IFT80: variants seen among roughly 807,000 people sequenced by gnomAD.
IFT80 encodes the protein intraflagellar transport protein 80 homolog.
In IFT80, 79 loss-of-function variants were observed where a neutral mutation model predicts 107.9. The observed-to-expected ratio is 0.73, with a 90% CI of 0.61 to 0.88. IFT80 has a LOEUF of 0.88. IFT80 is among the 40% of genes least tolerant of loss of function. IFT80 has a pLI of 0.00. For synonymous variants in IFT80, 299 were observed against 300.9 expected, an observed-to-expected ratio of 0.99 and a Z score of 0.07; for missense variants, 797 against 914.2, an observed-to-expected ratio of 0.87 and a Z score of 1.65.
chr3:160,357,133 T>G (rs1162526154), intron 7 of IFT80, among the ~76,000 whole-genome samples: 1 of 152,188 alleles, frequency 6.6e-6, no homozygotes, highest in East Asian at 1.9e-4. Flanking sequence ...AGGGTCTCAC[T>G]TTGTTGCTCA....
intron 6 of IFT80, among the ~76,000 whole-genome samples, chr3:160,365,796 C>G (rs6786414): frequency 2.0e-5 from 3 of 152,000 alleles, no homozygotes; most frequent in African/African-American, 4.8e-5. Context: ...TAGCTAACTC[C>G]AAAGCCTGTG....
chr3:160,326,783 C>T (rs1206975145), intron 8 of IFT80, among the ~76,000 whole-genome samples: 1 of 151,968 alleles, frequency 6.6e-6, no homozygotes, highest in African/African-American at 2.4e-5. Context: ...CCTCTCTCAC[C>T]ACTCCTATTC....
At chr3:160,351,296 TATA>T (rs1720679793) in intron 8 of IFT80, among the ~76,000 whole-genome samples, 1 of 150,268 alleles carries the variant, frequency 6.7e-6, no homozygotes, top group East Asian at 1.9e-4. Context: ...TTAATAACAA[TATA>T]ATAATTAATT....
intron 8 of IFT80, among the ~76,000 whole-genome samples, chr3:160,335,412 G>A (rs1219194550): frequency 6.6e-6 from 1 of 151,832 alleles, no homozygotes; most frequent in Non-Finnish European, 1.5e-5. Flanking sequence ...AGTAGAGACG[G>A]GGTTTTGCCA....
At chr3:160,359,387 C>T (rs1457481363) in intron 6 of IFT80, among the ~76,000 whole-genome samples, 3 of 152,150 alleles carry the variant, frequency 2.0e-5, no homozygotes, top group African/African-American at 7.2e-5. Flanking sequence ...TCCAAGATGG[C>T]TGAATAGGAA....
At chr3:160,398,936 C>A (rs989896678) in intron 1 of IFT80, among the ~76,000 whole-genome samples, 1 of 152,130 alleles carries the variant, frequency 6.6e-6, no homozygotes, top group African/African-American at 2.4e-5. Flanking sequence ...TATCACGAAT[C>A]CAGGTCTTCC....
intron 9 of IFT80, among the ~76,000 whole-genome samples, chr3:160,319,039 G>T (rs1231120339): frequency 6.6e-6 from 1 of 151,602 alleles, no homozygotes; most frequent in Non-Finnish European, 1.5e-5. Context: ...TACTTTTTTT[G>T]CCCTATTGTG....
chr3:160,315,550 T>G (rs1717756483), intron 9 of IFT80, among the ~76,000 whole-genome samples: 1 of 152,200 alleles, frequency 6.6e-6, no homozygotes, highest in Non-Finnish European at 1.5e-5. Flanking sequence ...GCTTACCCTT[T>G]CCCTTTGACA....
intron 16 of IFT80, among the ~76,000 whole-genome samples, chr3:160,278,124 A>G (rs1019416114): frequency 9.9e-5 from 15 of 152,196 alleles, no homozygotes; most frequent in Admixed American, 9.8e-4. Flanking sequence ...TTTAATGAAA[A>G]GCAGCCCCCA....
At chr3:160,360,619 ACC>A (rs982309524) in intron 6 of IFT80, among the ~76,000 whole-genome samples, 3 of 152,214 alleles carry the variant, frequency 2.0e-5, no homozygotes, top group African/African-American at 7.2e-5. Flanking sequence ...AGATCGGGTT[ACC>A]CACAAAGGGA....
At chr3:160,341,016 C>CTTTTTTT (rs11373101) in intron 8 of IFT80, among the ~76,000 whole-genome samples, 3 of 149,504 alleles carry the variant, frequency 2.0e-5, no homozygotes, top group Non-Finnish European at 3.0e-5. Context: ...TTTTTACTAC[C>CTTTTTTT]TTTTTTTTTT....
chr3:160,348,265 T>C (rs1234820446), intron 8 of IFT80, among the ~76,000 whole-genome samples: 1 of 152,238 alleles, frequency 6.6e-6, no homozygotes, highest in African/African-American at 2.4e-5. Context: ...AAACGGTAGC[T>C]TTCCCACTCT....
chr3:160,397,754 T>C (rs1713916142), intron 1 of IFT80, among the ~76,000 whole-genome samples: 1 of 139,810 alleles, frequency 7.2e-6, no homozygotes, highest in Non-Finnish European at 1.5e-5. Flanking sequence ...GCAGTTTCGC[T>C]CTTGTTGCCC....
intron 12 of IFT80, among the ~76,000 whole-genome samples, chr3:160,294,513 G>A (rs1268166381): frequency 6.6e-6 from 1 of 152,218 alleles, no homozygotes; most frequent in African/African-American, 2.4e-5. Context: ...AAGCCACCAT[G>A]TCCAGCCAAC....
intron 8 of IFT80, among the ~76,000 whole-genome samples, chr3:160,334,719 T>C (rs773126521): frequency 2.6e-5 from 4 of 152,118 alleles, no homozygotes; most frequent in Non-Finnish European, 4.4e-5. Flanking sequence ...CCAGCTCAAA[T>C]TGGCTCACTT....
chr3:160,315,942 A>G (rs1448558624), intron 9 of IFT80, among the ~76,000 whole-genome samples: 1 of 152,188 alleles, frequency 6.6e-6, no homozygotes, highest in African/African-American at 2.4e-5. Context: ...ATGTATCCAT[A>G]TATATGAATA....
chr3:160,356,638 A>G (rs965024916), intron 7 of IFT80, among the ~76,000 whole-genome samples: 1 of 152,122 alleles, frequency 6.6e-6, no homozygotes, highest in Non-Finnish European at 1.5e-5. Context: ...TTCCTGCTTT[A>G]GCCTTCCAAA....
At chr3:160,338,585 C>T (rs1719659802) in intron 8 of IFT80, among the ~76,000 whole-genome samples, 1 of 151,102 alleles carries the variant, frequency 6.6e-6, no homozygotes, top group African/African-American at 2.4e-5. Flanking sequence ...TGAGCCATCA[C>T]TGCACCACTG....
At chr3:160,356,834 G>C (rs947571834) in intron 7 of IFT80, among the ~76,000 whole-genome samples, 2 of 152,000 alleles carry the variant, frequency 1.3e-5, no homozygotes, top group Non-Finnish European at 2.9e-5. Flanking sequence ...TTACCATTTT[G>C]CTTAAATTTT....
Sources: allele counts gnomAD v4.1 joint callset (sites outside exome capture counted in the v4.1 genomes callset), GRCh38; gene constraint gnomAD v4.1.1; transcripts MANE v1.5; gene names NCBI Gene and HGNC (gene_info 2026-07-23, HGNC 2026-07-21).